Variants in RNPC3 observed in about 807,000 individuals in gnomAD.
RNPC3 encodes RNA-binding region-containing protein 3.
A neutral mutation model predicts 67.5 loss-of-function variants in RNPC3; 48 were observed. That is an observed-to-expected ratio of 0.71 (90% CI 0.56 to 0.90). The LOEUF (loss-of-function observed/expected upper bound fraction) is 0.90, where lower values mean the gene tolerates loss of function less well. Ranked by LOEUF, RNPC3 falls within the 40% of genes least tolerant of loss-of-function variation. The pLI is 0.00. For synonymous variants in RNPC3, 239 were observed against 210.3 expected, an observed-to-expected ratio of 1.14 and a Z score of -1.18; for missense variants, 637 against 626.1, an observed-to-expected ratio of 1.02 and a Z score of -0.19.
At chr1:103,550,707 A>G (rs1322463144) in intron 12 of RNPC3, among the ~76,000 whole-genome samples, 4 of 151,980 alleles carry the variant, frequency 2.6e-5, no homozygotes, top group African/African-American at 9.7e-5. Flanking sequence ...TAAATCACAT[A>G]CTTTTATGAT....
chr1:103,535,789 A>G (rs1450157331), intron 5 of RNPC3, among the ~76,000 whole-genome samples: 1 of 152,088 alleles, frequency 6.6e-6, no homozygotes, highest in African/African-American at 2.4e-5. Flanking sequence ...AGTACAAAGT[A>G]TAGATGATGT....
chr1:103,552,877 C>G (rs1316055458), intron 14 of RNPC3: 1 of 152,036 alleles, frequency 6.6e-6, no homozygotes, highest in Non-Finnish European at 1.5e-5. Context: ...AATTTTAGTG[C>G]ATACTTAATT....
chr1:103,534,855 T>G lies in RNPC3; in HGVS notation c.441T>G (p.His147Gln), dbSNP rs1650942878. 1.3e-6 allele frequency: 2 copies of G among 1,520,178 alleles called. No homozygotes were observed. The highest frequency in any genetic ancestry group is 2.1e-5 in the Admixed American group (1 of 47,988). 94.2% of individuals were successfully genotyped at this position (1,520,178 alleles called of 1,614,324 possible). A position where few individuals can be genotyped will look rare whatever the true frequency, so the allele number is the denominator to read the frequency against. ...TAGAAAATGGAATTGCACCAAACCA[T>G]GGGTTAGCATTTTTGTTTGCTTTTC... ...LTVENGIAPN[H>Q]GLTFPLNSCL... Residue 147 changes from histidine (H) to glutamine (Q), a missense_variant and splice_region_variant, in exon 4 of 15, where the codon CAT (histidine) becomes CAG (glutamine). This residue lies in a region of RNPC3 where 536 missense variants were observed against 500.3 expected (regional missense o/e 1.07). Coordinates refer to ENST00000423855, the MANE Select transcript of RNPC3 (RefSeq NM_017619.4).
chr1:103,547,792 A>G (rs1259557578), intron 12 of RNPC3, among the ~76,000 whole-genome samples: 3 of 152,356 alleles, frequency 2.0e-5, no homozygotes, highest in Admixed American at 2.0e-4. Context: ...GCTGATAGAC[A>G]TACCCGAGAA....
rs1325070740 is a variant in RNPC3 at position 103,533,860 on chromosome 1, A to T, written c.359+3A>T. The T allele has an allele frequency of 7.3e-7, 1 of 1,366,890 alleles. No homozygotes were observed. The highest frequency in any genetic ancestry group is 1.0e-6 in the Non-Finnish European group (1 of 995,198). The allele number at this position is 1,366,890 out of a possible 1,614,324, so 84.7% of individuals were successfully genotyped here. On this transcript the variant is annotated splice_donor_region_variant and intron_variant, in intron 3 of 14. Transcript: ENST00000423855. The stretch of plus-strand genomic sequence containing the variant: ...TCAGGCTCTGAAAAAAAAAAAAGGT[A>T]TGTAGATCAGTAAATCATACATTTT...
chr1:103,526,210 T>A lies in RNPC3; in HGVS notation c.140T>A (p.Leu47Gln). 6.4e-7 allele frequency: 1 copy of A among 1,551,446 alleles called. No homozygotes were observed. The highest frequency in any genetic ancestry group is 8.7e-7 in the Non-Finnish European group (1 of 1,146,872). The change falls in exon 1 of 15, where the codon CTG becomes CAG. Residue 47 changes from leucine to glutamine, a missense_variant. This residue lies in a region of RNPC3 where 536 missense variants were observed against 500.3 expected (regional missense o/e 1.07). Transcript: ENST00000423855. ...ELTAEEKEDL[L>Q]KYFGAQSVRV... ...ACTGCTGAGGAGAAAGAGGACTTGC[T>A]GAAGTACTTCGGGGCTCAGTCTGTG...
intron 7 of RNPC3, among the ~76,000 whole-genome samples, chr1:103,538,121 AG>A (rs879380992): frequency 6.6e-6 from 1 of 152,180 alleles, no homozygotes; most frequent in Non-Finnish European, 1.5e-5. Flanking sequence ...CTGGGATTAC[AG>A]GCATTAGCCA....
At chr1:103,539,546 A>G (rs534430436) in intron 7 of RNPC3, among the ~76,000 whole-genome samples, 1 of 152,354 alleles carries the variant, frequency 6.6e-6, no homozygotes, top group East Asian at 1.9e-4. Flanking sequence ...TAGTAATTAG[A>G]AATGCTACAG....
Position 103,546,889 on chromosome 1 carries a change from C to T in RNPC3, c.1303-88C>T, listed in dbSNP as rs759220678. ...AGCCTACCTTAGTCCAGTATGACCTCTTCTACTGATGCATTGATGTATTTA... is the reference window on the plus strand; with the variant it reads ...AGCCTACCTTAGTCCAGTATGACCTTTTCTACTGATGCATTGATGTATTTA... On this transcript the variant is annotated intron_variant, in intron 11 of 14. Coordinates refer to ENST00000423855, the MANE Select transcript of RNPC3 (RefSeq NM_017619.4). 5.8e-6 allele frequency: 4 copies of T among 685,662 alleles called. No homozygotes were observed. In the South Asian group the frequency reaches 5.9e-5, roughly 10 times the overall value. 42.5% of individuals were successfully genotyped at this position (685,662 alleles called of 1,614,324 possible). A position where few individuals can be genotyped will look rare whatever the true frequency, so the allele number is the denominator to read the frequency against.
In RNPC3 at chr1:103,535,378, T is replaced by G; in HGVS notation, c.492T>G (p.Pro164=). The G allele has an allele frequency of 4.6e-6, 7 of 1,535,832 alleles. No individual in the cohort carries two copies. The highest frequency in any genetic ancestry group is 6.1e-6 in the Non-Finnish European group (7 of 1,145,820). ...NSCLKYMYPP[P]SSTILANIVN... ...GCCTCAAGTATATGTACCCACCACC[T>G]TCCAGCACAATCCTAGCAAACATTG... Residue 164 remains proline (P), a synonymous_variant, in exon 5 of 15, where the codon CCT becomes CCG. Coordinates refer to ENST00000423855, the MANE Select transcript of RNPC3 (RefSeq NM_017619.4).
chr1:103,536,323 T>C (rs953189089), intron 6 of RNPC3, 129 bp downstream of exon 6: 5 of 636,064 alleles, frequency 7.9e-6, no homozygotes, highest in East Asian at 2.8e-5. Context: ...TAAAGTAATA[T>C]GATGATAATA....
At chr1:103,542,962 A>G (rs1382042412) in intron 8 of RNPC3, among the ~76,000 whole-genome samples, 2 of 151,792 alleles carry the variant, frequency 1.3e-5, no homozygotes, top group Admixed American at 6.6e-5. Context: ...CAAACATAGA[A>G]TGCACTGTTT....
intron 14 of RNPC3, chr1:103,554,821 T>A (rs567578339): frequency 1.3e-5 from 2 of 152,766 alleles, no homozygotes; most frequent in African/African-American, 4.8e-5. Context: ...CCTATAGATT[T>A]TGAAAATGTA....
At chr1:103,546,474 ATTG>A in intron 11 of RNPC3, 132 bp downstream of exon 11, 1 of 448,462 alleles carries the variant, frequency 2.2e-6, no homozygotes, top group Non-Finnish European at 3.9e-6. Flanking sequence ...ATGACAAATT[ATTG>A]TTTAGTATTT....
intron 12 of RNPC3, 101 bp downstream of exon 12, chr1:103,547,136 T>A (rs560142936): frequency 2.8e-6 from 2 of 702,562 alleles, no homozygotes; most frequent in Non-Finnish European, 4.4e-6. Flanking sequence ...GAGATAAAAA[T>A]TATATGAAAA....
intron 3 of RNPC3, 53 bp from the exon 4 acceptor site, chr1:103,534,721 C>A: frequency 1.1e-6 from 1 of 907,526 alleles, no homozygotes; most frequent in Non-Finnish European, 1.6e-6. Flanking sequence ...TTTCTGTGTG[C>A]AGTTTTTCAC....
intron 2 of RNPC3, among the ~76,000 whole-genome samples, chr1:103,533,201 C>T (rs1183233301): frequency 6.6e-6 from 1 of 151,948 alleles, no homozygotes; most frequent in Non-Finnish European, 1.5e-5. Flanking sequence ...CATGCATATG[C>T]TGGTAGATGG....
chr1:103,528,389 G>A (rs1289679449), intron 2 of RNPC3, among the ~76,000 whole-genome samples: 1 of 152,164 alleles, frequency 6.6e-6, no homozygotes, highest in African/African-American at 2.4e-5. Context: ...ATTAGAGGTA[G>A]GAGACCAAAT....
rs1289841090 is a variant in RNPC3, at chr1:103,549,852, A to G, written c.1362-1089A>G. On this transcript the variant is annotated intron_variant, in intron 12 of 14. Transcript: ENST00000423855. ...GTTCCTTTCTACTCCGAAGTTCTGT[A>G]ATTGCTTATAATAATATAATGAACT... Among the ~76,000 whole-genome samples the G allele has an allele frequency of 2.6e-5, 4 of 152,110 alleles. No individual in the cohort carries two copies. The East Asian group carries it at 5.8e-4, about 22-fold the overall frequency.
Sources: allele counts gnomAD v4.1 joint callset (sites outside exome capture counted in the v4.1 genomes callset), GRCh38; gene constraint gnomAD v4.1.1; regional missense constraint gnomAD v4.1.1; transcripts MANE v1.5; gene names NCBI Gene and HGNC (gene_info 2026-07-23, HGNC 2026-07-21).